TRIO: variants seen among roughly 807,000 people sequenced by gnomAD.
TRIO encodes triple functional domain protein.
TRIO carries 58 observed loss-of-function variants against 351.9 expected under a neutral mutation model. The observed-to-expected ratio is 0.16, with a 90% CI of 0.13 to 0.21. TRIO has a LOEUF of 0.21. TRIO is among the 10% of genes least tolerant of loss of function. The pLI, the probability that TRIO is intolerant of heterozygous loss-of-function variation, is 1.00. For synonymous variants in TRIO, 1,758 were observed against 1,595.7 expected (o/e 1.10, Z -2.42); for missense variants, 3,201 against 4,027.8 (o/e 0.79, Z 5.56).
chr5:14,490,876 G>A (rs1310267945), intron 48 of TRIO: 5 of 455,676 alleles, frequency 1.1e-5, no homozygotes, highest in Non-Finnish European at 2.2e-5. Flanking sequence ...CAGTACTCTT[G>A]GGCATTGCCA....
intron 10 of TRIO, among the ~76,000 whole-genome samples, chr5:14,331,101 A>G (rs1416820562): frequency 6.6e-6 from 1 of 152,264 alleles, no homozygotes; most frequent in Admixed American, 6.5e-5. Context: ...TTTCTAAAAT[A>G]CGATGTTCTT....
intron 13 of TRIO, 68 bp downstream of exon 13, chr5:14,359,599 C>T (rs1743951872): frequency 6.4e-7 from 1 of 1,558,462 alleles, no homozygotes; most frequent in Admixed American, 1.8e-5. Context: ...GCACCGGCGC[C>T]CTCTTGTCTC....
chr5:14,293,843 C>T (rs1280366424), intron 6 of TRIO, among the ~76,000 whole-genome samples: 1 of 152,112 alleles, frequency 6.6e-6, no homozygotes, highest in East Asian at 1.9e-4. Context: ...TTGCTTGCCT[C>T]TGTAGTCTGT....
chr5:14,285,520 G>C (rs770805597), intron 3 of TRIO, among the ~76,000 whole-genome samples: 1 of 152,070 alleles, frequency 6.6e-6, no homozygotes, highest in Non-Finnish European at 1.5e-5. Flanking sequence ...AGGGAATGGG[G>C]TGTGTGAGTG....
intron 13 of TRIO, among the ~76,000 whole-genome samples, chr5:14,361,739 C>T (rs1449600171): frequency 1.3e-5 from 2 of 152,198 alleles, no homozygotes; most frequent in African/African-American, 2.4e-5. Flanking sequence ...ATAGGATCCA[C>T]GGAAAATGTC....
At chr5:14,252,512 C>T (rs1045985057) in intron 1 of TRIO, among the ~76,000 whole-genome samples, 6 of 152,222 alleles carry the variant, frequency 3.9e-5, no homozygotes, top group Non-Finnish European at 7.3e-5. Flanking sequence ...CCTGGATCCC[C>T]GAGGGACTTC....
chr5:14,446,169 C>T (rs1752425533), intron 34 of TRIO, among the ~76,000 whole-genome samples: 1 of 152,038 alleles, frequency 6.6e-6, no homozygotes, highest in Admixed American at 6.5e-5. Flanking sequence ...TTCCTCTATC[C>T]TCACTGTGAT....
At chr5:14,198,133 G>T (rs1262948222) in intron 1 of TRIO, among the ~76,000 whole-genome samples, 1 of 152,162 alleles carries the variant, frequency 6.6e-6, no homozygotes, top group Non-Finnish European at 1.5e-5. Flanking sequence ...AGTCACTACA[G>T]TCCTACCACT....
rs1436796227 is a variant in TRIO at position 14,487,807 on chromosome 5, G to GC, written c.7185dup (p.Gly2396ArgfsTer45). ...CCGGCCCCAGCGCGCCCAGCAGGCG[G>GC]CCCCCCGGCGCGGACGCCGAGGGGT... On this transcript the variant is annotated frameshift_variant, in exon 48 of 57. Coordinates refer to ENST00000344204, the MANE Select transcript of TRIO (RefSeq NM_007118.4). LOFTEE classifies it high-confidence loss of function. 4.2e-6 allele frequency: 6 copies of GC among 1,416,144 alleles called. No individual in the cohort carries two copies. Among genetic ancestry groups the GC allele is most frequent in the Admixed American group, 6.6e-5 (2 of 30,092 alleles). The allele number at this position is 1,416,144 out of a possible 1,614,324, so 87.7% of individuals were successfully genotyped here.
At chr5:14,259,083 T>G (rs1795192684) in intron 1 of TRIO, among the ~76,000 whole-genome samples, 1 of 152,216 alleles carries the variant, frequency 6.6e-6, no homozygotes, top group South Asian at 2.1e-4. Flanking sequence ...GTGATTTCCT[T>G]CTGAGGCTTC....
intron 1 of TRIO, among the ~76,000 whole-genome samples, chr5:14,161,236 T>C (rs1255373761): frequency 1.3e-5 from 2 of 152,190 alleles, no homozygotes; most frequent in Non-Finnish European, 2.9e-5. Flanking sequence ...CAGATCAGTC[T>C]GTCCTTTGTA....
chr5:14,419,920 C>G lies in TRIO; in HGVS notation c.5102C>G (p.Thr1701Ser). The G allele has an allele frequency of 1.2e-6, 2 of 1,614,194 alleles. No individual in the cohort carries two copies. Among genetic ancestry groups the G allele is most frequent in the Non-Finnish European group, 1.7e-6 (2 of 1,179,998 alleles). Reference sequence around the variant, plus strand: ...CCTGACTGGTGTCTGGTGCGGACAACTGACCGCTCCCCAGCGGCAGAAGGC... The same window carrying G: ...CCTGACTGGTGTCTGGTGCGGACAAGTGACCGCTCCCCAGCGGCAGAAGGC... ...DKPDWCLVRTTDRSPAAEGLV... is the reference protein window; with the variant it reads ...DKPDWCLVRTSDRSPAAEGLV... Residue 1701 changes from threonine (T) to serine (S), a missense_variant, in exon 34 of 57, where the codon ACT (threonine) becomes AGT (serine). Around this residue, in one of 19 missense-constraint regions of TRIO, gnomAD observed 193 missense variants for 218.8 expected, o/e 0.88. Transcript: ENST00000344204.
intron 1 of TRIO, among the ~76,000 whole-genome samples, chr5:14,243,090 G>A (rs1475464844): frequency 6.6e-6 from 1 of 152,208 alleles, no homozygotes; most frequent in Non-Finnish European, 1.5e-5. Flanking sequence ...TCAGTGTGAA[G>A]AGCTCAGGAG....
intron 53 of TRIO, chr5:14,499,309 G>A (rs1461816598): frequency 6.6e-6 from 1 of 152,456 alleles, no homozygotes; most frequent in Non-Finnish European, 1.5e-5. Context: ...CAAGCTCCCT[G>A]GGGCAGAACC....
intron 6 of TRIO, among the ~76,000 whole-genome samples, 174 bp downstream of exon 6, chr5:14,293,308 C>T (rs1366875977): frequency 6.6e-6 from 1 of 152,204 alleles, no homozygotes; most frequent in Non-Finnish European, 1.5e-5. Flanking sequence ...CACTATCCCA[C>T]ATTTTAAGTT....
intron 34 of TRIO, among the ~76,000 whole-genome samples, chr5:14,425,943 C>G (rs1266420203): frequency 6.6e-6 from 1 of 152,198 alleles, no homozygotes; most frequent in Non-Finnish European, 1.5e-5. Flanking sequence ...CAGGAATGGA[C>G]TAAGACATAT....
At chr5:14,500,050 CAA>C (rs35276206) in intron 53 of TRIO, among the ~76,000 whole-genome samples, 16 of 91,100 alleles carry the variant, frequency 1.8e-4, no homozygotes, top group African/African-American at 2.2e-4. Context: ...GACTCTGTCT[CAA>C]AAAAAAAAAA....
intron 2 of TRIO, among the ~76,000 whole-genome samples, chr5:14,273,346 G>T (rs995980069): frequency 6.6e-6 from 1 of 152,148 alleles, no homozygotes; most frequent in Non-Finnish European, 1.5e-5. Flanking sequence ...GAATATTTCC[G>T]ATCCTTAGCG....
At chr5:14,162,861 C>T (rs1788551418) in intron 1 of TRIO, among the ~76,000 whole-genome samples, 1 of 152,122 alleles carries the variant, frequency 6.6e-6, no homozygotes, top group African/African-American at 2.4e-5. Flanking sequence ...GGCTGGCATG[C>T]AGTGGCACGA....
Sources: allele counts gnomAD v4.1 joint callset (sites outside exome capture counted in the v4.1 genomes callset), GRCh38; gene constraint gnomAD v4.1.1; regional missense constraint gnomAD v4.1.1; transcripts MANE v1.5; gene names NCBI Gene and HGNC (gene_info 2026-07-23, HGNC 2026-07-21).